The following ERO1A variants were observed in gnomAD, a reference collection of about 807,000 sequenced individuals.
ERO1A encodes the protein endoplasmic reticulum oxidoreductase 1 alpha.
ERO1A carries 49 observed loss-of-function variants against 76.9 expected under a neutral mutation model. The observed-to-expected ratio is 0.64, with a 90% CI of 0.51 to 0.81. The LOEUF (loss-of-function observed/expected upper bound fraction) is 0.81. Among genes scored for constraint, ERO1A ranks in the 30% least tolerant of loss-of-function variants. The pLI is 0.00. For missense variants in ERO1A, 448 were observed against 542.1 expected (o/e 0.83, Z 1.72); for synonymous variants, 174 against 181.2 (o/e 0.96, Z 0.32).
At position 52,646,221 on chromosome 14, in the gene ERO1A, T is replaced by C; in HGVS notation, c.1279A>G (p.Ser427Gly). Reference protein sequence around the residue: ...SEKLIANMPESGPSYEFHLTR... With the variant: ...SEKLIANMPEGGPSYEFHLTR... ...AGATGGAATTCATAACTAGGTCCAC[T>C]TTCTGGCATATTTGCTATCAATTTC... is the stretch of plus-strand genomic sequence containing the variant. The change falls in exon 15 of 16, where the codon AGT (serine) becomes GGT (glycine). Residue 427 changes from serine (S) to glycine (G), a missense_variant. By Grantham distance (56) the Ser-to-Gly change is moderately conservative (BLOSUM62 0). Transcript: ENST00000395686. 8.7e-6 allele frequency: 14 copies of C among 1,613,936 alleles called. No homozygotes were observed. Among genetic ancestry groups the C allele is most frequent in the Non-Finnish European group, 1.2e-5 (14 of 1,179,886 alleles).
chr14:52,655,641 CTTATT>C lies in ERO1A; in HGVS notation c.808+2271_808+2275del, dbSNP rs953266591. Among the ~76,000 whole-genome samples the C allele has an allele frequency of 1.3e-4, 19 of 151,606 alleles. No homozygotes were observed. The East Asian group carries it at 2.3e-3, about 19-fold the overall frequency. On this transcript the variant is annotated intron_variant, in intron 11 of 15. Transcript: ENST00000395686. ...TTACAACTCAGAGGAATTTCTCACT[CTTATT>C]TTATGTGATTTTTTTTTTTAGTGGG...
intron 6 of ERO1A, among the ~76,000 whole-genome samples, chr14:52,667,964 C>A (rs1340727810): frequency 2.0e-5 from 3 of 150,438 alleles, no homozygotes; most frequent in African/African-American, 7.3e-5. Context: ...CAAAAAAAAA[C>A]CCTAAGCTTG....
chr14:52,661,368 C>A, intron 8 of ERO1A, 64 bp from the exon 9 acceptor site: 1 of 1,316,942 alleles, frequency 7.6e-7, no homozygotes, highest in Non-Finnish European at 1.0e-6. Flanking sequence ...TATAATGCTA[C>A]ACTTTCATAA....
Position 52,682,428 on chromosome 14 carries a change from A to G in ERO1A, c.235-20T>C. 1 of 1,519,848 alleles carries G rather than the reference A, an allele frequency of 6.6e-7. No individual in the cohort carries two copies. The highest frequency in any genetic ancestry group is 9.0e-7 in the Non-Finnish European group (1 of 1,115,646). The allele number at this position is 1,519,848 out of a possible 1,614,324, so 94.1% of individuals were successfully genotyped here. ...GTTTACCTGTAAAATAATAATAGAA[A>G]AAAAATTATAAAAATCAGAATCCCA... is the stretch of plus-strand genomic sequence containing the variant. On this transcript the variant is annotated intron_variant, in intron 2 of 15. Coordinates refer to ENST00000395686, the MANE Select transcript of ERO1A (RefSeq NM_014584.3).
chr14:52,665,433 G>A (rs1319580260), intron 7 of ERO1A, among the ~76,000 whole-genome samples: 1 of 149,568 alleles, frequency 6.7e-6, no homozygotes, highest in East Asian at 2.0e-4. Context: ...TTCCAAACTG[G>A]AGAAATTCTT....
intron 15 of ERO1A, among the ~76,000 whole-genome samples, chr14:52,644,322 C>T (rs1594816973): frequency 1.3e-5 from 2 of 152,002 alleles, no homozygotes; most frequent in Admixed American, 1.3e-4. Context: ...GGCATGGTGG[C>T]GTGTGCCTGT....
At chr14:52,667,059 T>C (rs1471217182) in intron 6 of ERO1A, among the ~76,000 whole-genome samples, 1 of 152,224 alleles carries the variant, frequency 6.6e-6, no homozygotes, top group Non-Finnish European at 1.5e-5. Context: ...CAAAGAAACA[T>C]GGTAATTCAA....
intron 9 of ERO1A, among the ~76,000 whole-genome samples, chr14:52,659,107 AATGT>A (rs2040146706): frequency 6.6e-6 from 1 of 152,178 alleles, no homozygotes; most frequent in South Asian, 2.1e-4. Flanking sequence ...AACTCAGTAA[AATGT>A]ATGTTGCAAA....
chr14:52,691,793 T>C (rs576599189), intron 1 of ERO1A, among the ~76,000 whole-genome samples: 25 of 152,210 alleles, frequency 1.6e-4, no homozygotes, highest in Non-Finnish European at 3.1e-4. Flanking sequence ...TGATAAAACA[T>C]CATGAGCAAG....
intron 13 of ERO1A, among the ~76,000 whole-genome samples, chr14:52,650,088 G>T (rs2039806129): frequency 6.6e-6 from 1 of 152,004 alleles, no homozygotes; most frequent in Admixed American, 6.6e-5. Context: ...GCATAGTGGT[G>T]CCAGCCTGTA....
intron 11 of ERO1A, among the ~76,000 whole-genome samples, chr14:52,654,379 T>C (rs2039975494): frequency 6.6e-6 from 1 of 152,192 alleles, no homozygotes. Context: ...GGACATTCCA[T>C]TTGTTCTTTT....
chr14:52,671,478 T>G (rs2040594971), intron 6 of ERO1A, 152 bp downstream of exon 6: 1 of 554,464 alleles, frequency 1.8e-6, no homozygotes. Context: ...CAGTCTGGAT[T>G]CAAATACCTG....
At chr14:52,666,346 G>T in intron 7 of ERO1A, 29 bp downstream of exon 7, 4 of 1,515,704 alleles carry the variant, frequency 2.6e-6, no homozygotes, top group East Asian at 2.3e-5. Context: ...CATCTTATAG[G>T]AATTTTTCTA....
chr14:52,658,021 C>G lies in ERO1A; in HGVS notation c.716-12G>C. 6.3e-7 allele frequency: 1 copy of G among 1,581,604 alleles called. No homozygotes were observed. Among genetic ancestry groups the G allele is most frequent in the Non-Finnish European group, 8.7e-7 (1 of 1,155,778 alleles). ...TTCTACACAGAGACCTAAGAAAAAG[C>G]AGTGACTTAGAAATAAAATTTCATA... On this transcript the variant is annotated splice_polypyrimidine_tract_variant and intron_variant, in intron 10 of 15. Coordinates refer to ENST00000395686, the MANE Select transcript of ERO1A (RefSeq NM_014584.3).
chr14:52,694,191 G>A lies in ERO1A; in HGVS notation c.114+1177C>T, dbSNP rs528530664. ...TTTAAATGTTTAATCTCGGTGTTGCGTTATATTTCTAATCAGAAGAAAAAT... is the reference window on the plus strand; with the variant it reads ...TTTAAATGTTTAATCTCGGTGTTGCATTATATTTCTAATCAGAAGAAAAAT... On this transcript the variant is annotated intron_variant, in intron 1 of 15. Coordinates refer to ENST00000395686, the MANE Select transcript of ERO1A (RefSeq NM_014584.3). Among the ~76,000 whole-genome samples, 198 of 151,700 alleles carry A rather than the reference G, an allele frequency of 1.3e-3. 1 individual carries two copies. Among genetic ancestry groups the A allele is most frequent in the African/African-American group, 4.5e-3 (185 of 41,320 alleles).
intron 3 of ERO1A, among the ~76,000 whole-genome samples, chr14:52,681,469 G>T (rs2040991882): frequency 6.6e-6 from 1 of 152,050 alleles, no homozygotes; most frequent in African/African-American, 2.4e-5. Context: ...TGGGCGTGGT[G>T]GCACACACCT....
intron 8 of ERO1A, among the ~76,000 whole-genome samples, chr14:52,662,938 G>C (rs888754646): frequency 2.0e-5 from 3 of 152,162 alleles, no homozygotes; most frequent in Non-Finnish European, 4.4e-5. Context: ...TACACAGTGG[G>C]AAAGGCCGTA....
intron 7 of ERO1A, among the ~76,000 whole-genome samples, chr14:52,665,743 C>G (rs1293108810): frequency 6.6e-6 from 1 of 152,082 alleles, no homozygotes; most frequent in Admixed American, 6.6e-5. Flanking sequence ...ATGGTTACCC[C>G]GTACAAAGCG....
chr14:52,647,095 C>T, intron 13 of ERO1A: 1 of 139,046 alleles, frequency 7.2e-6, no homozygotes, highest in Non-Finnish European at 1.5e-5. Flanking sequence ...CCTGCCTCAG[C>T]GTCCTGAGTA....
Sources: allele counts gnomAD v4.1 joint callset (sites outside exome capture counted in the v4.1 genomes callset), GRCh38; gene constraint gnomAD v4.1.1; transcripts MANE v1.5; gene names NCBI Gene and HGNC (gene_info 2026-07-23, HGNC 2026-07-21).